SDK1: variants seen among roughly 807,000 people sequenced by gnomAD.
SDK1 encodes protein sidekick-1.
SDK1 carries 157 observed loss-of-function variants against 245.5 expected under a neutral mutation model. That is an observed-to-expected ratio of 0.64 (90% CI 0.56 to 0.73). The LOEUF is 0.73. Among genes scored for constraint, SDK1 ranks in the 30% least tolerant of loss-of-function variants. SDK1 has a pLI of 0.00. For missense variants in SDK1, 3,583 were observed against 3,002.3 expected (o/e 1.19, Z -4.52); for synonymous variants, 1,647 against 1,278.5 (o/e 1.29, Z -6.15).
At chr7:4,036,172 T>TG in intron 17 of SDK1, among the ~76,000 whole-genome samples, 2 of 152,340 alleles carry the variant, frequency 1.3e-5, no homozygotes, top group Middle Eastern at 6.8e-3. Flanking sequence ...TCACAATTGC[T>TG]GGGAAATTAT....
At chr7:3,632,613 AAAT>A (rs1210083648) in intron 2 of SDK1, among the ~76,000 whole-genome samples, 1 of 152,240 alleles carries the variant, frequency 6.6e-6, no homozygotes, top group African/African-American at 2.4e-5. Flanking sequence ...ATTTTGAAAT[AAAT>A]AATACACAGA....
At chr7:3,373,053 C>G (rs1234752515) in intron 1 of SDK1, among the ~76,000 whole-genome samples, 3 of 152,140 alleles carry the variant, frequency 2.0e-5, no homozygotes, top group Admixed American at 6.5e-5. Context: ...AGAATTATTG[C>G]TTAGTATTAA....
At chr7:3,872,467 G>T (rs1470084209) in intron 5 of SDK1, among the ~76,000 whole-genome samples, 1 of 151,660 alleles carries the variant, frequency 6.6e-6, no homozygotes, top group Non-Finnish European at 1.5e-5. Context: ...ATACATATAA[G>T]ACTATTCAGG....
chr7:3,887,446 T>G (rs1781363372), intron 5 of SDK1, among the ~76,000 whole-genome samples: 1 of 152,084 alleles, frequency 6.6e-6, no homozygotes, highest in Non-Finnish European at 1.5e-5. Context: ...AGTAGAGAAG[T>G]AATAATAATT....
intron 1 of SDK1, among the ~76,000 whole-genome samples, chr7:3,613,712 C>T (rs541876375): frequency 6.6e-6 from 1 of 152,250 alleles, no homozygotes; most frequent in South Asian, 2.1e-4. Flanking sequence ...ATAGCAATGA[C>T]ATGGAATCAA....
intron 8 of SDK1, among the ~76,000 whole-genome samples, chr7:3,961,930 CAT>C (rs755448352): frequency 1.8e-4 from 27 of 152,110 alleles, no homozygotes; most frequent in South Asian, 4.1e-4. Flanking sequence ...TGTACACACA[CAT>C]ATACACACAC....
intron 19 of SDK1, among the ~76,000 whole-genome samples, chr7:4,064,822 C>A (rs1417947613): frequency 6.6e-6 from 1 of 152,050 alleles, no homozygotes; most frequent in Non-Finnish European, 1.5e-5. Context: ...ATCACAAGTT[C>A]TCACTCATAA....
chr7:4,137,126 A>C (rs1779146637), intron 28 of SDK1, among the ~76,000 whole-genome samples: 1 of 152,166 alleles, frequency 6.6e-6, no homozygotes, highest in African/African-American at 2.4e-5. Flanking sequence ...GGAAGTGCAC[A>C]ATTTATTAAA....
intron 32 of SDK1, 28 bp downstream of exon 32, chr7:4,161,884 T>C (rs1015294602): frequency 6.3e-7 from 1 of 1,594,910 alleles, no homozygotes; most frequent in African/African-American, 1.3e-5. Context: ...CACGCGCGTT[T>C]TGTCAAATGT....
At chr7:3,435,009 G>C (rs769140228) in intron 1 of SDK1, among the ~76,000 whole-genome samples, 1 of 152,066 alleles carries the variant, frequency 6.6e-6, no homozygotes, top group African/African-American at 2.4e-5. Flanking sequence ...TCAAATCTCC[G>C]TCTGGATCCC....
intron 1 of SDK1, among the ~76,000 whole-genome samples, chr7:3,344,632 C>G (rs1235704584): frequency 6.6e-6 from 1 of 151,588 alleles, no homozygotes; most frequent in Non-Finnish European, 1.5e-5. Context: ...ACTGCATTAC[C>G]ATTCTCAGAA....
rs1782670595 is a variant in SDK1 at position 3,642,102 on chromosome 7, G to C, written c.710G>C (p.Arg237Thr). 6.2e-7 allele frequency: 1 copy of C among 1,613,776 alleles called. No homozygotes were observed. Among genetic ancestry groups the C allele is most frequent in the Non-Finnish European group, 8.5e-7 (1 of 1,179,798 alleles). ...REGHKIIPSN[R>T]IAITLENQLV... Reference sequence around the variant, plus strand: ...GGGCACAAGATTATTCCAAGCAACAGAATGTAAGTTGCTCCAAACGTTAAA... The same window carrying C: ...GGGCACAAGATTATTCCAAGCAACACAATGTAAGTTGCTCCAAACGTTAAA... The change falls in exon 4 of 45, where the codon AGA becomes ACA. Residue 237 changes from arginine to threonine, a missense_variant. Arg to Thr is a moderately conservative substitution (Grantham distance 71, BLOSUM62 -1). Coordinates refer to ENST00000404826, the MANE Select transcript of SDK1 (RefSeq NM_152744.4).
At chr7:3,680,098 C>G (rs752942866) in intron 4 of SDK1, among the ~76,000 whole-genome samples, 15 of 152,060 alleles carry the variant, frequency 9.9e-5, no homozygotes, top group African/African-American at 3.6e-4. Flanking sequence ...GAATCCTTTG[C>G]GGCAATAAAA....
chr7:3,943,526 T>C (rs1361062858), intron 5 of SDK1, among the ~76,000 whole-genome samples: 1 of 149,216 alleles, frequency 6.7e-6, no homozygotes, highest in Non-Finnish European at 1.5e-5. Flanking sequence ...GGAGTCCATT[T>C]CCCCCACCCC....
chr7:3,417,437 T>A (rs1036337873), intron 1 of SDK1, among the ~76,000 whole-genome samples: 6 of 152,256 alleles, frequency 3.9e-5, no homozygotes, highest in South Asian at 4.2e-4. Context: ...CTGTTTTCTC[T>A]GCTAACTTTC....
At chr7:3,537,041 C>G (rs1269003142) in intron 1 of SDK1, among the ~76,000 whole-genome samples, 1 of 152,080 alleles carries the variant, frequency 6.6e-6, no homozygotes, top group Non-Finnish European at 1.5e-5. Flanking sequence ...TAACTATACC[C>G]TCTGAGTCTT....
At chr7:3,817,152 T>A (rs1445483540) in intron 4 of SDK1, among the ~76,000 whole-genome samples, 2 of 152,216 alleles carry the variant, frequency 1.3e-5, no homozygotes, top group Non-Finnish European at 2.9e-5. Flanking sequence ...ATTTATATTT[T>A]CATGGAAGCC....
intron 1 of SDK1, among the ~76,000 whole-genome samples, chr7:3,558,041 C>T (rs1180636896): frequency 8.8e-6 from 1 of 113,946 alleles, no homozygotes. Flanking sequence ...TTTGAAGTTT[C>T]CCTTAAGTAT....
intron 4 of SDK1, among the ~76,000 whole-genome samples, chr7:3,817,586 T>C (rs1423552200): frequency 6.6e-6 from 1 of 152,114 alleles, no homozygotes; most frequent in East Asian, 1.9e-4. Flanking sequence ...CAGTATCACA[T>C]CCCTGAAGGC....
Sources: gnomAD v4.1 joint callset for allele counts (sites outside exome capture counted in the v4.1 genomes callset) on GRCh38, gnomAD v4.1.1 for gene constraint, MANE v1.5 for transcripts, NCBI Gene and HGNC (gene_info 2026-07-23, HGNC 2026-07-21) for gene names.